Variants in ZNF362 observed in about 807,000 individuals in gnomAD.
The protein encoded by ZNF362 is rotund homolog.
ZNF362 carries 11 observed loss-of-function variants against 42.9 expected under a neutral mutation model. That is an observed-to-expected ratio of 0.26 (90% CI 0.16 to 0.42). The LOEUF is 0.42. Ranked by LOEUF, ZNF362 falls within the 20% of genes least tolerant of loss-of-function variation. The pLI is 1.00. For missense variants in ZNF362, 362 were observed against 576.2 expected (o/e 0.63, Z 3.81); for synonymous variants, 255 against 257.3 (o/e 0.99, Z 0.09).
chr1:33,173,894 T>C, the ZNF362 span, among the ~76,000 whole-genome samples: 1 of 151,968 alleles, frequency 6.6e-6, no homozygotes, highest in African/African-American at 2.4e-5. Flanking sequence ...AGATGGGGTC[T>C]CTCTGTGTTG....
the ZNF362 span, among the ~76,000 whole-genome samples, chr1:33,231,356 A>C: frequency 6.6e-6 from 1 of 152,190 alleles, no homozygotes; most frequent in African/African-American, 2.4e-5. Flanking sequence ...TGGCCACATC[A>C]TCTCATTTGT....
the ZNF362 span, among the ~76,000 whole-genome samples, chr1:33,186,927 C>T: frequency 6.7e-6 from 1 of 150,012 alleles, no homozygotes; most frequent in Non-Finnish European, 1.5e-5. Flanking sequence ...AAGATAAGGA[C>T]TAAAGTGAAA....
At chr1:33,276,891 C>G (rs115320601) in intron 4 of ZNF362, among the ~76,000 whole-genome samples, 3,579 of 152,306 alleles carry the variant, frequency 0.023, 134 homozygotes, top group Admixed American at 0.11. Flanking sequence ...TTGGAAATCA[C>G]GAGATTCTTT....
chr1:33,256,677 C>G (rs1309076279), intron 1 of ZNF362, 23 bp downstream of exon 1: 1 of 145,140 alleles, frequency 6.9e-6, no homozygotes, highest in Non-Finnish European at 1.5e-5. Flanking sequence ...CCGGGGCGCG[C>G]GGGGAGCGGG....
At chr1:33,218,500 C>T in the ZNF362 span, among the ~76,000 whole-genome samples, 106,368 of 152,032 alleles carry the variant, frequency 0.7, 37,798 homozygotes, top group Non-Finnish European at 0.76. Flanking sequence ...CTCACTGCTA[C>T]TGACAATACA....
At chr1:33,184,041 G>GA in the ZNF362 span, among the ~76,000 whole-genome samples, 15,483 of 147,172 alleles carry the variant, frequency 0.11, 872 homozygotes, top group Middle Eastern at 0.14. Context: ...GAAATGAAAT[G>GA]AAAAAAAAAA....
chr1:33,225,343 A>T, the ZNF362 span, among the ~76,000 whole-genome samples: 1 of 152,224 alleles, frequency 6.6e-6, no homozygotes, highest in East Asian at 1.9e-4. Context: ...ACCTTCTGAC[A>T]TATTATATAT....
intron 8 of ZNF362, 110 bp from the exon 9 acceptor site, chr1:33,298,820 C>T (rs1344889497): frequency 1.9e-5 from 17 of 881,276 alleles, no homozygotes; most frequent in Non-Finnish European, 2.4e-5. Flanking sequence ...CTGTCCTCCA[C>T]CCTCTGAACC....
the ZNF362 span, chr1:33,195,448 C>T: frequency 6.6e-6 from 1 of 152,166 alleles, no homozygotes; most frequent in South Asian, 2.1e-4. Flanking sequence ...GAGAAATGCA[C>T]CTTTAGGTGT....
chr1:33,157,694 C>T, the ZNF362 span, among the ~76,000 whole-genome samples: 1 of 151,984 alleles, frequency 6.6e-6, no homozygotes, highest in East Asian at 1.9e-4. Context: ...ATGAAGTGTC[C>T]AGGCCTCAGT....
chr1:33,266,586 G>A lies in ZNF362; in HGVS notation c.-88-3901G>A, dbSNP rs1645866492. On this transcript the variant is annotated intron_variant, in intron 1 of 8. Coordinates refer to ENST00000539719, the MANE Select transcript of ZNF362 (RefSeq NM_152493.3). The surrounding 1 kb of genome is among the most constrained non-coding windows in gnomAD (Gnocchi z 4.3). ...GGGTGAGCTGTGGGGCTATGTTGGG[G>A]TAGGGGTTGTAACTAAGAACCAGAC... Among the ~76,000 whole-genome samples, 1 of 152,222 alleles carries A rather than the reference G, an allele frequency of 6.6e-6. No individual in the cohort carries two copies. Among genetic ancestry groups the A allele is most frequent in the Non-Finnish European group, 1.5e-5 (1 of 68,038 alleles).
intron 1 of ZNF362, among the ~76,000 whole-genome samples, chr1:33,264,359 G>A (rs1386377877): frequency 6.6e-6 from 1 of 152,184 alleles, no homozygotes; most frequent in Non-Finnish European, 1.5e-5. Context: ...TCTTTGGAAT[G>A]TTGGGAAAGG....
chr1:33,257,124 C>T (rs1442207665), intron 1 of ZNF362, among the ~76,000 whole-genome samples: 2 of 152,090 alleles, frequency 1.3e-5, no homozygotes, highest in Admixed American at 6.5e-5. Flanking sequence ...TATGGCGTCC[C>T]TGTCCTGTTT....
intron 6 of ZNF362, among the ~76,000 whole-genome samples, chr1:33,286,335 T>G (rs1338496866): frequency 6.8e-6 from 1 of 147,596 alleles, no homozygotes; most frequent in African/African-American, 2.5e-5. Flanking sequence ...AAGAATTCTG[T>G]TTTTTTTTTC....
chr1:33,192,195 A>G, the ZNF362 span, among the ~76,000 whole-genome samples: 2 of 152,200 alleles, frequency 1.3e-5, no homozygotes, highest in Non-Finnish European at 2.9e-5. Context: ...CTTCAATGGT[A>G]CTTAACAACA....
the ZNF362 span, among the ~76,000 whole-genome samples, chr1:33,156,031 C>T: frequency 6.6e-6 from 1 of 152,322 alleles, no homozygotes; most frequent in East Asian, 1.9e-4. Flanking sequence ...GGCTTTGGTG[C>T]CCACTTATTC....
At chr1:33,146,045 A>G in the ZNF362 span, 1 of 377,346 alleles carries the variant, frequency 2.7e-6, no homozygotes, top group Admixed American at 3.4e-5. Context: ...TGCAGTCAGC[A>G]GCTTTCTGGC....
the ZNF362 span, among the ~76,000 whole-genome samples, chr1:33,247,103 C>A: frequency 6.6e-6 from 1 of 152,198 alleles, no homozygotes; most frequent in Non-Finnish European, 1.5e-5. Context: ...GGTCTCAGGA[C>A]CTCCGGCTGT....
At chr1:33,131,680 G>C in the ZNF362 span, among the ~76,000 whole-genome samples, 1 of 151,404 alleles carries the variant, frequency 6.6e-6, no homozygotes, top group African/African-American at 2.4e-5. Context: ...TTTTAAATTA[G>C]TGAAATTAAT....
Sources: allele counts gnomAD v4.1 joint callset (sites outside exome capture counted in the v4.1 genomes callset), GRCh38; gene constraint gnomAD v4.1.1; non-coding constraint Gnocchi (gnomAD v3.1); transcripts MANE v1.5; gene names NCBI Gene and HGNC (gene_info 2026-07-23, HGNC 2026-07-21).